Variants in QTGAL observed in about 807,000 individuals in gnomAD.
The protein encoded by QTGAL is BGnT-like protein 1.
the QTGAL span, chr17:82,947,839 C>G: frequency 6.6e-6 from 1 of 152,484 alleles, no homozygotes; most frequent in East Asian, 1.9e-4. Flanking sequence ...AACATTTCCA[C>G]ACACTCTGCC....
the QTGAL span, among the ~76,000 whole-genome samples, chr17:83,020,476 A>C: frequency 1.3e-5 from 2 of 152,208 alleles, no homozygotes; most frequent in Non-Finnish European, 2.9e-5. Flanking sequence ...AAACAAAACA[A>C]AATGCCTGTT....
At chr17:83,023,661 T>C in the QTGAL span, among the ~76,000 whole-genome samples, 1 of 152,216 alleles carries the variant, frequency 6.6e-6, no homozygotes, top group Non-Finnish European at 1.5e-5. Context: ...GGTGAAACGC[T>C]TTGGTCTCAA....
the QTGAL span, among the ~76,000 whole-genome samples, chr17:82,971,600 G>A: frequency 2.7e-5 from 4 of 149,200 alleles, no homozygotes; most frequent in Middle Eastern, 3.4e-3. Flanking sequence ...AGAAGGACCC[G>A]GTACTGACCA....
the QTGAL span, among the ~76,000 whole-genome samples, chr17:82,967,949 A>G: frequency 8.3e-4 from 126 of 152,280 alleles, no homozygotes; most frequent in Middle Eastern, 3.4e-3. Context: ...TTAAAATATA[A>G]AAAGTAAAAA....
chr17:83,038,922 C>T, the QTGAL span, among the ~76,000 whole-genome samples: 2 of 136,992 alleles, frequency 1.5e-5, no homozygotes, highest in South Asian at 2.3e-4. Context: ...TGTTTACACA[C>T]ATTACAGAAG....
At chr17:83,018,313 T>C in the QTGAL span, among the ~76,000 whole-genome samples, 1 of 152,208 alleles carries the variant, frequency 6.6e-6, no homozygotes, top group African/African-American at 2.4e-5. Context: ...GTACCACACA[T>C]GCTCCGCGAA....
At chr17:82,970,479 C>T in the QTGAL span, among the ~76,000 whole-genome samples, 14 of 150,702 alleles carry the variant, frequency 9.3e-5, no homozygotes, top group African/African-American at 2.0e-4. Flanking sequence ...GCCGTTTGCA[C>T]GGTGGTGAGG....
chr17:82,956,925 A>C, the QTGAL span: 5 of 1,039,012 alleles, frequency 4.8e-6, no homozygotes, highest in South Asian at 5.5e-5. This position sits in a 1 kb window ranked among gnomAD's most constrained non-coding sequence, Gnocchi z 5.7. Flanking sequence ...GCAGGTGTTC[A>C]GAGCAGGAAC....
At chr17:83,024,554 A>T in the QTGAL span, among the ~76,000 whole-genome samples, 1 of 152,188 alleles carries the variant, frequency 6.6e-6, no homozygotes, top group Non-Finnish European at 1.5e-5. Context: ...TCCTGTGTAG[A>T]GACCGGGCTC....
At chr17:83,008,730 C>T in the QTGAL span, among the ~76,000 whole-genome samples, 2 of 152,250 alleles carry the variant, frequency 1.3e-5, no homozygotes, top group African/African-American at 4.8e-5. Flanking sequence ...GCCTGAGCAG[C>T]TTCGTGGAGA....
At chr17:83,050,004 A>C in the QTGAL span, among the ~76,000 whole-genome samples, 32,522 of 152,148 alleles carry the variant, frequency 0.21, 3,562 homozygotes, top group Non-Finnish European at 0.23. Flanking sequence ...ATTGTGTTGA[A>C]AACACAATTT....
the QTGAL span, chr17:82,944,195 C>CA: frequency 1.3e-5 from 2 of 152,192 alleles, no homozygotes; most frequent in Non-Finnish European, 2.9e-5. Context: ...CACTATGTGG[C>CA]AAAGCAGTTC....
the QTGAL span, among the ~76,000 whole-genome samples, chr17:83,034,002 G>A: frequency 5.8e-4 from 88 of 152,018 alleles, no homozygotes; most frequent in African/African-American, 2.0e-3. Flanking sequence ...GTGCAATGGC[G>A]CAATCTTGGC....
At chr17:82,951,916 C>T in the QTGAL span, among the ~76,000 whole-genome samples, 3 of 151,676 alleles carry the variant, frequency 2.0e-5, no homozygotes, top group East Asian at 1.9e-4. Flanking sequence ...CACAGGTCAC[C>T]GTAACACATA....
the QTGAL span, chr17:82,956,569 C>A: frequency 1.8e-6 from 2 of 1,111,408 alleles, no homozygotes; most frequent in Non-Finnish European, 2.5e-6. This position sits in a 1 kb window ranked among gnomAD's most constrained non-coding sequence, Gnocchi z 5.7. Context: ...TGGCACCTGT[C>A]CCCATGCCCA....
At chr17:83,025,895 T>C in the QTGAL span, among the ~76,000 whole-genome samples, 1 of 152,184 alleles carries the variant, frequency 6.6e-6, no homozygotes, top group East Asian at 1.9e-4. Flanking sequence ...GAATGTTCTT[T>C]GCAGGACGTA....
At chr17:82,975,744 C>T in the QTGAL span, among the ~76,000 whole-genome samples, 5 of 98,562 alleles carry the variant, frequency 5.1e-5, no homozygotes, top group South Asian at 1.5e-3. Flanking sequence ...GGACTCCATC[C>T]TCCCAGGGAC....
the QTGAL span, chr17:83,051,720 T>C: frequency 1.4e-6 from 2 of 1,481,268 alleles, no homozygotes; most frequent in Admixed American, 2.3e-5. Context: ...CGGGGCACCC[T>C]CCCCGCTGGC....
chr17:83,012,600 C>A, the QTGAL span, among the ~76,000 whole-genome samples: 171 of 152,298 alleles, frequency 1.1e-3, 1 homozygote, highest in Admixed American at 5.0e-3. Flanking sequence ...TCCACAGGAC[C>A]ACACAGCTGC....
Sources: allele counts gnomAD v4.1 joint callset (sites outside exome capture counted in the v4.1 genomes callset), GRCh38; gene constraint gnomAD v4.1.1; non-coding constraint Gnocchi (gnomAD v3.1); transcripts MANE v1.5; gene names NCBI Gene and HGNC (gene_info 2026-07-23, HGNC 2026-07-21).